Variants in ZNF385D observed in about 807,000 individuals in gnomAD.
ZNF385D encodes the protein zinc finger protein 385D, also known as zinc finger protein 659.
A neutral mutation model predicts 35.8 loss-of-function variants in ZNF385D; 15 were observed. The ratio of observed to expected loss-of-function variants is 0.42; its 90% CI spans 0.28 to 0.64. ZNF385D has a LOEUF of 0.64. ZNF385D is among the 30% of genes least tolerant of loss of function. The pLI, the probability that ZNF385D is intolerant of heterozygous loss-of-function variation, is 0.23. For synonymous variants in ZNF385D, 212 were observed against 186.8 expected (o/e 1.13, Z -1.10); for missense variants, 474 against 494.6 (o/e 0.96, Z 0.39).
chr3:22,074,578 T>C (rs1211607134), intron 3 of ZNF385D, among the ~76,000 whole-genome samples: 2 of 151,982 alleles, frequency 1.3e-5, no homozygotes, highest in South Asian at 2.1e-4. Context: ...AAACCTCATA[T>C]TGATACTGCC....
chr3:21,527,400 C>A (rs573616326), intron 3 of ZNF385D, among the ~76,000 whole-genome samples: 1 of 152,130 alleles, frequency 6.6e-6, no homozygotes, highest in Non-Finnish European at 1.5e-5. Context: ...CTCAACTAGG[C>A]CCCGAACTTT....
intron 2 of ZNF385D, among the ~76,000 whole-genome samples, chr3:22,206,604 A>G (rs1697172901): frequency 6.6e-6 from 1 of 152,024 alleles, no homozygotes; most frequent in Non-Finnish European, 1.5e-5. Context: ...GAATAAAACT[A>G]GAAATCAATA....
At chr3:21,674,894 AAATG>A (rs2066676418) in intron 1 of ZNF385D, among the ~76,000 whole-genome samples, 1 of 144,032 alleles carries the variant, frequency 6.9e-6, no homozygotes, top group African/African-American at 2.7e-5. Context: ...ATTGTTTTAG[AAATG>A]GATGGATGGA....
intron 2 of ZNF385D, among the ~76,000 whole-genome samples, chr3:22,241,375 G>A (rs886710195): frequency 1.3e-4 from 19 of 151,006 alleles, no homozygotes; most frequent in Non-Finnish European, 5.9e-5. Flanking sequence ...ATTCTATATT[G>A]GTTTTGATCT....
intron 3 of ZNF385D, among the ~76,000 whole-genome samples, chr3:22,143,065 G>GTGTGTA (rs1240952179): frequency 2.8e-5 from 1 of 35,778 alleles, no homozygotes; most frequent in Non-Finnish European, 6.2e-5. Flanking sequence ...TCGGTTGTGT[G>GTGTGTA]TGTGTGTGTG....
At chr3:22,041,165 G>C (rs1698640437) in intron 3 of ZNF385D, among the ~76,000 whole-genome samples, 1 of 140,246 alleles carries the variant, frequency 7.1e-6, no homozygotes, top group Admixed American at 7.5e-5. Context: ...CAAAAGGGTT[G>C]ATATTTTACC....
intron 3 of ZNF385D, among the ~76,000 whole-genome samples, chr3:21,940,872 T>C (rs545045459): frequency 7.2e-5 from 11 of 152,268 alleles, no homozygotes; most frequent in South Asian, 2.1e-4. Flanking sequence ...ACTGCAAAAA[T>C]AGTACCAACT....
At chr3:21,576,274 T>TTTAAC (rs1225620311) in intron 2 of ZNF385D, among the ~76,000 whole-genome samples, 4 of 152,188 alleles carry the variant, frequency 2.6e-5, no homozygotes, top group African/African-American at 9.6e-5. Flanking sequence ...AAATCAGTGC[T>TTTAAC]TGAACTTAAA....
intron 2 of ZNF385D, among the ~76,000 whole-genome samples, chr3:22,273,782 AGG>A (rs953806552): frequency 2.6e-5 from 4 of 152,004 alleles, no homozygotes; most frequent in African/African-American, 9.7e-5. Context: ...CAGGATGAGG[AGG>A]GAATTCAACT....
intron 3 of ZNF385D, among the ~76,000 whole-genome samples, chr3:21,767,108 T>G (rs1348992363): frequency 6.7e-6 from 1 of 149,538 alleles, no homozygotes; most frequent in Non-Finnish European, 1.5e-5. Context: ...TAGCTATTTC[T>G]GTCTCAGCCT....
chr3:22,299,134 A>G (rs535301665), intron 2 of ZNF385D, among the ~76,000 whole-genome samples: 68 of 151,964 alleles, frequency 4.5e-4, no homozygotes, highest in Non-Finnish European at 8.0e-4. Flanking sequence ...ATCTGTAAAA[A>G]CTAAAGAGGC....
chr3:21,783,491 C>G (rs935214426), intron 3 of ZNF385D, among the ~76,000 whole-genome samples: 3 of 151,986 alleles, frequency 2.0e-5, no homozygotes, highest in African/African-American at 7.2e-5. Flanking sequence ...TTTGGAGAGA[C>G]CTTATTTTTT....
At chr3:21,811,751 T>A (rs2072929990) in intron 3 of ZNF385D, among the ~76,000 whole-genome samples, 1 of 152,202 alleles carries the variant, frequency 6.6e-6, no homozygotes, top group South Asian at 2.1e-4. Context: ...ATTCAGAAAG[T>A]AATTCATGGA....
intron 3 of ZNF385D, among the ~76,000 whole-genome samples, chr3:22,120,771 C>A (rs1224231815): frequency 6.6e-6 from 1 of 152,128 alleles, no homozygotes; most frequent in East Asian, 1.9e-4. Context: ...TTCTTGAGAA[C>A]AAGCTTTAAA....
intron 3 of ZNF385D, among the ~76,000 whole-genome samples, chr3:22,136,415 A>G (rs1293608985): frequency 6.6e-6 from 1 of 152,080 alleles, no homozygotes; most frequent in Non-Finnish European, 1.5e-5. Context: ...AACAATCTAC[A>G]TATCATCAAA....
At chr3:22,203,737 G>T (rs1696960818) in intron 2 of ZNF385D, among the ~76,000 whole-genome samples, 1 of 152,100 alleles carries the variant, frequency 6.6e-6, no homozygotes, top group Admixed American at 6.6e-5. Context: ...CATGGAAGCA[G>T]ACTCCTCTGC....
At position 21,458,508 on chromosome 3, in the gene ZNF385D, C is replaced by T. The variant is rs554878026; in HGVS notation, c.440-21305G>A. Among the ~76,000 whole-genome samples the T allele has an allele frequency of 2.7e-4, 41 of 151,198 alleles. No homozygotes were observed. The South Asian group carries it at 8.4e-3, about 31-fold the overall frequency. On this transcript the variant is annotated intron_variant, in intron 4 of 7. Transcript: ENST00000281523. ...AGGAGAAAGGGAAGGGAGAGAAAGA[C>T]CATGTCTCTAGAAGAAAGGGAAGGG...
rs148067127 is a variant in ZNF385D at position 21,942,532 on chromosome 3, T to C, written c.325+226285A>G. ...CAGAAACAGCCACATAATTTGCTCC[T>C]TGATTTATTGCATCTTTGGCAGGCA... On this transcript the variant is annotated intron_variant, in intron 3 of 5. Transcript: ENST00000494108. 5.3e-5 allele frequency: 8 copies of C among 152,354 alleles called. No individual in the cohort carries two copies. The Middle Eastern group carries it at 0.01, about 194-fold the overall frequency. The allele number at this position is 152,354 out of a possible 1,614,324, so 9.4% of individuals were successfully genotyped here. A position where few individuals can be genotyped will look rare whatever the true frequency, so the allele number is the denominator to read the frequency against.
intron 3 of ZNF385D, among the ~76,000 whole-genome samples, chr3:21,779,785 T>G (rs922584138): frequency 1.3e-5 from 2 of 151,968 alleles, no homozygotes; most frequent in African/African-American, 4.8e-5. Flanking sequence ...TATCTAGACA[T>G]GTTTATATTA....
Sources: gnomAD v4.1 joint callset for allele counts (sites outside exome capture counted in the v4.1 genomes callset) on GRCh38, gnomAD v4.1.1 for gene constraint, MANE v1.5 for transcripts, NCBI Gene and HGNC (gene_info 2026-07-23, HGNC 2026-07-21) for gene names.